Variants in ZNF420 observed in about 807,000 individuals in gnomAD.
ZNF420 encodes ATM and p53-associated KZNF protein.
Under a neutral mutation model 44.7 loss-of-function variants are expected in ZNF420, and 31 were observed. The ratio of observed to expected loss-of-function variants is 0.69; its 90% CI spans 0.52 to 0.94. ZNF420 has a LOEUF of 0.94. Among genes scored for constraint, ZNF420 ranks in the 40% least tolerant of loss-of-function variants. The pLI, the probability that ZNF420 is intolerant of heterozygous loss-of-function variation, is 0.00. For missense variants in ZNF420, 681 were observed against 827.9 expected (o/e 0.82, Z 2.18); for synonymous variants, 245 against 267.4 (o/e 0.92, Z 0.82).
chr19:37,065,288 T>C (rs2146446682), intron 1 of ZNF420, among the ~76,000 whole-genome samples: 1 of 152,318 alleles, frequency 6.6e-6, no homozygotes, highest in East Asian at 1.9e-4. Context: ...AGCATAGAGC[T>C]TGGTGTTCCA....
At chr19:37,034,409 A>T (rs1006505297) in intron 1 of ZNF420, among the ~76,000 whole-genome samples, 3 of 152,186 alleles carry the variant, frequency 2.0e-5, no homozygotes, top group African/African-American at 7.2e-5. Context: ...CTGGATATCG[A>T]TCACTTATCA....
At chr19:37,051,189 G>A (rs893915722) in intron 1 of ZNF420, among the ~76,000 whole-genome samples, 2 of 152,042 alleles carry the variant, frequency 1.3e-5, no homozygotes, top group African/African-American at 4.8e-5. Context: ...TCTCTTTTTT[G>A]TTGTGTCTCT....
At chr19:37,014,486 C>G (rs1360652343) in intron 1 of ZNF420, among the ~76,000 whole-genome samples, 1 of 152,202 alleles carries the variant, frequency 6.6e-6, no homozygotes, top group Admixed American at 6.5e-5. Flanking sequence ...AGCGCCTCCT[C>G]CTCCACCGGG....
intron 4 of ZNF420, among the ~76,000 whole-genome samples, chr19:37,101,233 G>A (rs1456376247): frequency 6.6e-6 from 1 of 152,116 alleles, no homozygotes; most frequent in Non-Finnish European, 1.5e-5. Flanking sequence ...GGTATCTCAC[G>A]CCTGTAATCC....
chr19:37,041,329 C>T (rs1483045276), intron 1 of ZNF420, among the ~76,000 whole-genome samples: 1 of 146,118 alleles, frequency 6.8e-6, no homozygotes, highest in Non-Finnish European at 1.5e-5. Context: ...AAAAAAAAAT[C>T]CCAACAACAT....
intron 1 of ZNF420, among the ~76,000 whole-genome samples, chr19:37,058,719 C>G (rs759036458): frequency 2.0e-5 from 3 of 152,172 alleles, no homozygotes; most frequent in Admixed American, 6.5e-5. Flanking sequence ...GGCACATGCC[C>G]AGACACCATT....
chr19:37,059,077 G>A (rs1967815438), intron 1 of ZNF420, among the ~76,000 whole-genome samples: 1 of 152,192 alleles, frequency 6.6e-6, no homozygotes, highest in South Asian at 2.1e-4. Context: ...CACCCAGTGG[G>A]ATCCAAAATC....
At chr19:37,031,814 A>G (rs915045358) in intron 1 of ZNF420, among the ~76,000 whole-genome samples, 2 of 152,134 alleles carry the variant, frequency 1.3e-5, no homozygotes, top group African/African-American at 4.8e-5. Context: ...TCTCTTACAT[A>G]ATTGGAGTAA....
intron 1 of ZNF420, among the ~76,000 whole-genome samples, chr19:37,030,068 C>T (rs190491332): frequency 5.5e-4 from 84 of 152,276 alleles, no homozygotes; most frequent in African/African-American, 1.9e-3. Flanking sequence ...GTTCATCCTA[C>T]GTATCTGCTA....
chr19:37,122,233 A>G (rs1171106760), intron 4 of ZNF420, among the ~76,000 whole-genome samples: 3 of 152,218 alleles, frequency 2.0e-5, no homozygotes, highest in South Asian at 2.1e-4. Flanking sequence ...ACAATGATAG[A>G]CTGGATTAAG....
intron 4 of ZNF420, among the ~76,000 whole-genome samples, chr19:37,119,297 A>G (rs1212212438): frequency 6.6e-6 from 1 of 152,214 alleles, no homozygotes; most frequent in African/African-American, 2.4e-5. Context: ...CAATCAAACT[A>G]GAACTCAGGA....
At chr19:37,021,463 C>T (rs2074647966) in intron 1 of ZNF420, among the ~76,000 whole-genome samples, 1 of 152,004 alleles carries the variant, frequency 6.6e-6, no homozygotes, top group Non-Finnish European at 1.5e-5. Context: ...GATGGGGTGT[C>T]TCCATGTTGG....
chr19:37,125,675 T>C (rs1047791437), intron 4 of ZNF420, among the ~76,000 whole-genome samples: 5 of 152,206 alleles, frequency 3.3e-5, no homozygotes, highest in African/African-American at 1.2e-4. Flanking sequence ...CTAGTTTTTA[T>C]TGAGTGCTAG....
intron 2 of ZNF420, 131 bp from the exon 3 acceptor site, chr19:37,088,908 G>A (rs35162188): frequency 0.5 from 279,593 of 557,890 alleles, 74,428 homozygotes; most frequent in African/African-American, 0.76. Flanking sequence ...CACAACATAT[G>A]TCTGTCCCCC....
At chr19:37,013,693 G>A (rs1370431617) in intron 1 of ZNF420, among the ~76,000 whole-genome samples, 2 of 152,244 alleles carry the variant, frequency 1.3e-5, no homozygotes, top group South Asian at 4.1e-4. Context: ...CGGTCCCACG[G>A]ACCTCAAGCC....
At chr19:37,040,874 G>T (rs983696521) in intron 1 of ZNF420, among the ~76,000 whole-genome samples, 1 of 152,096 alleles carries the variant, frequency 6.6e-6, no homozygotes, top group African/African-American at 2.4e-5. Context: ...AGCTTATAAA[G>T]TTCTCTCTCA....
At chr19:37,083,903 G>GA (rs1021849827) in intron 2 of ZNF420, among the ~76,000 whole-genome samples, 1 of 151,474 alleles carries the variant, frequency 6.6e-6, no homozygotes, top group African/African-American at 2.4e-5. Context: ...TTTAGAAGGA[G>GA]AAAAAAAATC....
chr19:37,080,950 G>T lies in ZNF420; in HGVS notation c.-81+562G>T, dbSNP rs896741579. On this transcript the variant is annotated intron_variant, in intron 2 of 4. Coordinates refer to ENST00000337995, the MANE Select transcript of ZNF420 (RefSeq NM_144689.5). ...TGGATGCACATAGTCCCAGCTACTC[G>T]GGAGACTGAGGCAGGAGAATGGCGT... is the stretch of plus-strand genomic sequence containing the variant. Among the ~76,000 whole-genome samples the T allele has an allele frequency of 2.1e-4, 32 of 151,422 alleles. 1 individual carries two copies. The highest frequency in any genetic ancestry group is 1.6e-4 in the Non-Finnish European group (11 of 67,862).
chr19:37,063,567 C>T (rs1967916176), intron 1 of ZNF420, among the ~76,000 whole-genome samples: 1 of 151,236 alleles, frequency 6.6e-6, no homozygotes, highest in African/African-American at 2.4e-5. Flanking sequence ...CCTACCCCCA[C>T]CCGACGAAAT....
Sources: gnomAD v4.1 joint callset for allele counts (sites outside exome capture counted in the v4.1 genomes callset) on GRCh38, gnomAD v4.1.1 for gene constraint, MANE v1.5 for transcripts, NCBI Gene and HGNC (gene_info 2026-07-23, HGNC 2026-07-21) for gene names.